The following ELOC variants were observed in gnomAD, a reference collection of about 807,000 sequenced individuals.
ELOC encodes the protein elongin C, also known as elongin-C.
For synonymous variants in ELOC, 40 were observed against 51.3 expected, an observed-to-expected ratio of 0.78 and a Z score of 0.94; for missense variants, 38 against 139.0, an observed-to-expected ratio of 0.27 and a Z score of 3.65.
chr8:73,957,697 T>C (rs570288714), intron 2 of ELOC, among the ~76,000 whole-genome samples: 4 of 152,320 alleles, frequency 2.6e-5, no homozygotes, highest in South Asian at 4.1e-4. Context: ...TAGAAAACTA[T>C]TTAAAGGAGA....
intron 3 of ELOC, among the ~76,000 whole-genome samples, chr8:73,952,364 G>A (rs973139748): frequency 2.0e-5 from 3 of 151,628 alleles, no homozygotes; most frequent in African/African-American, 4.8e-5. Flanking sequence ...CCGAGATTGA[G>A]CCACTGCACT....
intron 2 of ELOC, 60 bp downstream of exon 2, chr8:73,959,705 C>T: frequency 7.0e-7 from 1 of 1,430,674 alleles, no homozygotes; most frequent in Non-Finnish European, 9.4e-7. Context: ...TTTTAAAGAT[C>T]TTTGAAACAA....
chr8:73,961,231 G>A (rs16938746), intron 1 of ELOC, among the ~76,000 whole-genome samples: 5,474 of 151,988 alleles, frequency 0.036, 126 homozygotes, highest in South Asian at 0.046. Flanking sequence ...TCTTTTTTAC[G>A]TCATTAACAG....
At chr8:73,969,536 G>A (rs769353107) in intron 1 of ELOC, 6 of 152,030 alleles carry the variant, frequency 3.9e-5, no homozygotes, top group African/African-American at 1.2e-4. Flanking sequence ...GGTATTCCTC[G>A]AAATCGGTCA....
At chr8:73,952,820 G>A (rs1281072146) in intron 3 of ELOC, among the ~76,000 whole-genome samples, 1 of 150,100 alleles carries the variant, frequency 6.7e-6, no homozygotes, top group Non-Finnish European at 1.5e-5. Context: ...AGCAAATCAT[G>A]TATCTGATAA....
At chr8:73,971,677 A>T (rs1297209110) in intron 1 of ELOC, among the ~76,000 whole-genome samples, 1 of 152,108 alleles carries the variant, frequency 6.6e-6, no homozygotes, top group East Asian at 1.9e-4. Context: ...CTGCAGCTAG[A>T]AGAAGCGAGA....
intron 1 of ELOC, among the ~76,000 whole-genome samples, chr8:73,961,361 A>T (rs1273091775): frequency 6.6e-6 from 1 of 152,256 alleles, no homozygotes; most frequent in African/African-American, 2.4e-5. Context: ...GGAACTTGCA[A>T]GTAACCTCTC....
chr8:73,964,028 G>A (rs1469312441), intron 1 of ELOC, among the ~76,000 whole-genome samples: 2 of 143,784 alleles, frequency 1.4e-5, no homozygotes, highest in African/African-American at 5.1e-5. Context: ...AGGAGGCGGA[G>A]GTTGCAGTGA....
chr8:73,971,417 AG>A (rs1266395930), intron 1 of ELOC, among the ~76,000 whole-genome samples: 2 of 152,228 alleles, frequency 1.3e-5, no homozygotes, highest in East Asian at 3.8e-4. Context: ...CCCTTAAAAA[AG>A]AATTTCGGTT....
chr8:73,964,868 A>T (rs1563685558), intron 1 of ELOC, among the ~76,000 whole-genome samples: 1 of 152,040 alleles, frequency 6.6e-6, no homozygotes, highest in Non-Finnish European at 1.5e-5. Context: ...TTCTATAAAA[A>T]ATAGAAAAAT....
chr8:73,953,414 C>T (rs150426639), intron 3 of ELOC, among the ~76,000 whole-genome samples: 7 of 152,142 alleles, frequency 4.6e-5, no homozygotes, highest in East Asian at 3.9e-4. Context: ...CAGTGGCTCA[C>T]GCTTGTAATC....
Position 73,945,719 on chromosome 8 carries a change from A to C in ELOC, c.*911T>G, listed in dbSNP as rs1450309982. ...TGCATTATAATATGATTTTCACTGT[A>C]TCTCTTCACATGTTATTCCATAACA... On this transcript the variant is annotated 3_prime_UTR_variant, in exon 4 of 4. Coordinates refer to ENST00000520242, the MANE Select transcript of ELOC (RefSeq NM_005648.4). 6.6e-6 allele frequency: 1 copy of C among 152,194 alleles called. No individual in the cohort carries two copies. The highest frequency in any genetic ancestry group is 1.5e-5 in the Non-Finnish European group (1 of 68,040). 9.4% of individuals were successfully genotyped at this position (152,194 alleles called of 1,614,324 possible).
chr8:73,947,318 G>C lies in ELOC; in HGVS notation c.149-498C>G, dbSNP rs575483346. On this transcript the variant is annotated intron_variant, in intron 3 of 3. Coordinates refer to ENST00000520242, the MANE Select transcript of ELOC (RefSeq NM_005648.4). Reference sequence around the variant, plus strand: ...GGTATTCTCGTAAGAGATCCGGACAGAGATGGGCATAGAGGGAAAACTGTG... The same window carrying C: ...GGTATTCTCGTAAGAGATCCGGACACAGATGGGCATAGAGGGAAAACTGTG... Among the ~76,000 whole-genome samples, 3 of 152,204 alleles carry C rather than the reference G, an allele frequency of 2.0e-5. No homozygotes were observed. The South Asian group carries it at 6.2e-4, about 32-fold the overall frequency.
intron 1 of ELOC, among the ~76,000 whole-genome samples, chr8:73,969,873 A>G (rs1043169467): frequency 2.0e-5 from 3 of 152,162 alleles, no homozygotes; most frequent in Non-Finnish European, 2.9e-5. Context: ...ATGTACTATT[A>G]TTTTCCTAAT....
In ELOC at chr8:73,947,431, T is replaced by C. The variant is rs901221967; in HGVS notation, c.149-611A>G. ...TACTTTCAACCTCTACACTCCAGAATTGTGAGAAAATAAAGTTCTGTTGTT... is the reference window on the plus strand; with the variant it reads ...TACTTTCAACCTCTACACTCCAGAACTGTGAGAAAATAAAGTTCTGTTGTT... On this transcript the variant is annotated intron_variant, in intron 3 of 3. Coordinates refer to ENST00000520242, the MANE Select transcript of ELOC (RefSeq NM_005648.4). Among the ~76,000 whole-genome samples the C allele has an allele frequency of 1.8e-4, 28 of 152,138 alleles. 1 individual carries two copies. Among genetic ancestry groups the C allele is most frequent in the South Asian group, 4.1e-4 (2 of 4,822 alleles).
intron 1 of ELOC, chr8:73,969,742 T>C (rs1815231340): frequency 6.6e-6 from 1 of 152,222 alleles, no homozygotes; most frequent in African/African-American, 2.4e-5. Context: ...TTCACATTTA[T>C]CACTTCCTGA....
At chr8:73,965,360 G>C (rs1351470453) in intron 1 of ELOC, among the ~76,000 whole-genome samples, 2 of 152,122 alleles carry the variant, frequency 1.3e-5, no homozygotes, top group Non-Finnish European at 2.9e-5. Flanking sequence ...TGGAGCAAAT[G>C]AATTCTCATA....
intron 2 of ELOC, among the ~76,000 whole-genome samples, chr8:73,958,233 T>G (rs1235233728): frequency 6.6e-6 from 1 of 151,702 alleles, no homozygotes; most frequent in Non-Finnish European, 1.5e-5. Context: ...AGCTGGGAAA[T>G]AGGCGTGCAC....
At chr8:73,952,109 A>C (rs1813809857) in intron 3 of ELOC, among the ~76,000 whole-genome samples, 1 of 152,228 alleles carries the variant, frequency 6.6e-6, no homozygotes, top group Non-Finnish European at 1.5e-5. Context: ...AGATTCTTAT[A>C]TATGACACAA....
Sources: allele counts gnomAD v4.1 joint callset (sites outside exome capture counted in the v4.1 genomes callset), GRCh38; gene constraint gnomAD v4.1.1; transcripts MANE v1.5; gene names NCBI Gene and HGNC (gene_info 2026-07-23, HGNC 2026-07-21).